SFI1: variants seen among roughly 807,000 people sequenced by gnomAD.
The protein encoded by SFI1 is protein SFI1 homolog.
SFI1 carries 195 observed loss-of-function variants against 207.5 expected under a neutral mutation model. The ratio of observed to expected loss-of-function variants is 0.94; its 90% CI spans 0.84 to 1.06. SFI1 has a LOEUF of 1.06. Among genes scored for constraint, SFI1 ranks in the 50% least tolerant of loss-of-function variants. SFI1 has a pLI of 0.00. For synonymous variants in SFI1, 630 were observed against 598.9 expected (o/e 1.05, Z -0.76); for missense variants, 1,634 against 1,588.0 (o/e 1.03, Z -0.49).
At chr22:31,592,790 G>A (rs1259405968) in intron 15 of SFI1, among the ~76,000 whole-genome samples, 2 of 131,540 alleles carry the variant, frequency 1.5e-5, no homozygotes, top group African/African-American at 3.1e-5. Context: ...CAGACGGGGC[G>A]GCTGGCCGGG....
intron 12 of SFI1, among the ~76,000 whole-genome samples, chr22:31,581,587 C>T (rs748449439): frequency 6.6e-5 from 10 of 152,154 alleles, no homozygotes; most frequent in African/African-American, 1.2e-4. Context: ...CCACCATGCC[C>T]GGCCCCAATA....
intron 6 of SFI1, among the ~76,000 whole-genome samples, chr22:31,553,529 A>ATTTTTTTTTTTTT (rs71202096): frequency 7.3e-5 from 6 of 82,622 alleles, no homozygotes; most frequent in Non-Finnish European, 9.6e-5. Flanking sequence ...TAATTTTTGT[A>ATTTTTTTTTTTTT]TTTTTTTTTT....
chr22:31,568,194 T>TGTGTGTG lies in SFI1; in HGVS notation c.766-4864_766-4863insGTGTGTG, dbSNP rs749787029. Among the ~76,000 whole-genome samples, 132 of 92,530 alleles carry TGTGTGTG rather than the reference T, an allele frequency of 1.4e-3. 1 individual carries two copies. Among genetic ancestry groups the TGTGTGTG allele is most frequent in the African/African-American group, 6.6e-3 (126 of 19,046 alleles). 60.7% of individuals were successfully genotyped at this position (92,530 alleles called of 152,430 possible). A position where few individuals can be genotyped will look rare whatever the true frequency, so the allele number is the denominator to read the frequency against. On this transcript the variant is annotated intron_variant, in intron 8 of 32. Transcript: ENST00000400288. ...GTGTGTGTGTGTGTGTGTGTGTGTG[T>TGTGTGTG]TGTGTGTGTGTGTGTGTATATATAT...
rs375787741 is a variant in SFI1, at chr22:31,573,138, G to A, written c.846G>A (p.Gln282=). 3.1e-6 allele frequency: 5 copies of A among 1,613,790 alleles called. No individual in the cohort carries two copies. In the African/African-American group the frequency reaches 5.3e-5, roughly 17 times the overall value. ...TTGTCTCTGCAGTGAAACATCATCAGCACTGGCAAAAACGGAGATTTCTAA... is the reference window on the plus strand; with the variant it reads ...TTGTCTCTGCAGTGAAACATCATCAACACTGGCAAAAACGGAGATTTCTAA... ...QKVVSAVKHH[Q]HWQKRRFLKA... is the part of the protein sequence containing the mutation. Residue 282 remains glutamine (Q), a synonymous_variant, in exon 9 of 33, where the codon CAG becomes CAA. Transcript: ENST00000400288.
At chr22:31,580,542 C>CTTTTTTTTTTTTTTT (rs11347645) in intron 12 of SFI1, among the ~76,000 whole-genome samples, 178 bp downstream of exon 12, 14 of 117,272 alleles carry the variant, frequency 1.2e-4, no homozygotes, top group Non-Finnish European at 1.4e-4. Context: ...CTTTTCTTTT[C>CTTTTTTTTTTTTTTT]TTTTTTTTTT....
At chr22:31,558,684 G>A (rs1295849291) in intron 7 of SFI1, among the ~76,000 whole-genome samples, 2 of 152,036 alleles carry the variant, frequency 1.3e-5, no homozygotes, top group African/African-American at 4.8e-5. Context: ...TCACCATGTT[G>A]GCCAGCCTTG....
intron 22 of SFI1, among the ~76,000 whole-genome samples, chr22:31,609,608 C>T (rs8140312): frequency 0.6 from 91,750 of 152,184 alleles, 29,102 homozygotes; most frequent in African/African-American, 0.78. Context: ...GGTTTGGTTC[C>T]GACTGTAGCG....
chr22:31,566,787 A>G (rs115733658), intron 8 of SFI1, among the ~76,000 whole-genome samples: 124 of 152,270 alleles, frequency 8.1e-4, no homozygotes, highest in Admixed American at 3.7e-3. Flanking sequence ...AAGGCTCTAT[A>G]TTTGACAGAG....
chr22:31,497,779 T>C (rs1208940114), intron 1 of SFI1, among the ~76,000 whole-genome samples: 6 of 152,190 alleles, frequency 3.9e-5, no homozygotes, highest in Non-Finnish European at 8.8e-5. Flanking sequence ...ATTTACAGTG[T>C]GGTTTACTGA....
At chr22:31,610,948 G>A (rs1329503497) in intron 22 of SFI1, among the ~76,000 whole-genome samples, 195 bp from the exon 23 acceptor site, 1 of 152,230 alleles carries the variant, frequency 6.6e-6, no homozygotes, top group Non-Finnish European at 1.5e-5. Flanking sequence ...GTCCCCGGGG[G>A]GTTCACTGTT....
chr22:31,602,818 C>T (rs1439815193), intron 17 of SFI1, 33 bp downstream of exon 17: 29 of 1,600,864 alleles, frequency 1.8e-5, no homozygotes, highest in Non-Finnish European at 2.4e-5. Context: ...CAAGCCTTTC[C>T]ATCACAGGCC....
At chr22:31,518,985 G>A (rs1459572989) in intron 2 of SFI1, among the ~76,000 whole-genome samples, 2 of 152,144 alleles carry the variant, frequency 1.3e-5, no homozygotes, top group East Asian at 3.9e-4. Flanking sequence ...GGAAGCTTGC[G>A]CTTGATTTCT....
At chr22:31,563,098 A>G (rs987597023) in intron 8 of SFI1, among the ~76,000 whole-genome samples, 1 of 151,430 alleles carries the variant, frequency 6.6e-6, no homozygotes, top group African/African-American at 2.4e-5. Context: ...GGTTCAAGCA[A>G]TTCTCCTGCC....
In SFI1 at chr22:31,589,538, A is replaced by C. The variant is rs1179389291; in HGVS notation, c.1505A>C (p.Gln502Pro). 1 of 1,613,930 alleles carries C rather than the reference A, an allele frequency of 6.2e-7. No homozygotes were observed. Among genetic ancestry groups the C allele is most frequent in the African/African-American group, 1.3e-5 (1 of 74,938 alleles). Residue 502 changes from glutamine (Q) to proline (P), a missense_variant, in exon 15 of 33, where the codon CAG (glutamine) becomes CCG (proline). Coordinates refer to ENST00000400288, the MANE Select transcript of SFI1 (RefSeq NM_001007467.3). Reference protein sequence around the residue: ...TWNRLWRWRHQENVLSARATR... With the variant: ...TWNRLWRWRHPENVLSARATR... Reference sequence around the variant, plus strand: ...AACAGACTCTGGCGATGGCGCCACCAGGAAAATGTCCTCAGTGCAAGAGCA... The same window carrying C: ...AACAGACTCTGGCGATGGCGCCACCCGGAAAATGTCCTCAGTGCAAGAGCA...
intron 10 of SFI1, chr22:31,578,142 C>T (rs367578722): frequency 8.6e-5 from 28 of 324,784 alleles, no homozygotes; most frequent in South Asian, 5.9e-4. Context: ...GTATTTTTTG[C>T]GTCTCATCTC....
intron 10 of SFI1, 119 bp from the exon 11 acceptor site, chr22:31,578,263 C>T (rs2146008983): frequency 1.1e-6 from 1 of 891,246 alleles, no homozygotes; most frequent in East Asian, 2.7e-5. Flanking sequence ...AGGTGGACCT[C>T]AGCCCACCTG....
chr22:31,496,742 T>C (rs2052710290), intron 1 of SFI1, 105 bp downstream of exon 1: 2 of 152,340 alleles, frequency 1.3e-5, no homozygotes, highest in South Asian at 4.1e-4. Flanking sequence ...CGGTGAAATC[T>C]GTCCGAGCCT....
intron 1 of SFI1, among the ~76,000 whole-genome samples, chr22:31,497,519 C>T (rs1220140297): frequency 2.6e-5 from 4 of 152,124 alleles, no homozygotes; most frequent in African/African-American, 9.7e-5. Flanking sequence ...CTGCCAGTTC[C>T]CTGTTTCTCT....
chr22:31,552,062 A>G (rs1442041756), intron 6 of SFI1, among the ~76,000 whole-genome samples: 1 of 152,068 alleles, frequency 6.6e-6, no homozygotes, highest in South Asian at 2.1e-4. Context: ...CCCAGTGTCT[A>G]TTATCTCCAC....
Sources: allele counts gnomAD v4.1 joint callset (sites outside exome capture counted in the v4.1 genomes callset), GRCh38; gene constraint gnomAD v4.1.1; transcripts MANE v1.5; gene names NCBI Gene and HGNC (gene_info 2026-07-23, HGNC 2026-07-21).